PLXNA2: variants seen among roughly 807,000 people sequenced by gnomAD.
PLXNA2 encodes plexin-A2.
Under a neutral mutation model 193.5 loss-of-function variants are expected in PLXNA2, and 91 were observed. That is an observed-to-expected ratio of 0.47 (90% CI 0.40 to 0.56). The LOEUF is 0.56. Among genes scored for constraint, PLXNA2 ranks in the 20% least tolerant of loss-of-function variants. The probability of loss-of-function intolerance (pLI) is 0.00; values close to 1 mark genes in which losing one functional copy is unlikely to be tolerated. For synonymous variants in PLXNA2, 997 were observed against 1,027.3 expected, an observed-to-expected ratio of 0.97 and a Z score of 0.56; for missense variants, 1,995 against 2,503.2, an observed-to-expected ratio of 0.80 and a Z score of 4.33.
chr1:208,217,961 T>C lies in PLXNA2; in HGVS notation c.-39A>G. 1 of 1,594,414 alleles carries C rather than the reference T, an allele frequency of 6.3e-7. No homozygotes were observed. The highest frequency in any genetic ancestry group is 8.5e-7 in the Non-Finnish European group (1 of 1,176,648). On this transcript the variant is annotated 5_prime_UTR_variant, in exon 2 of 32. Coordinates refer to ENST00000367033, the MANE Select transcript of PLXNA2 (RefSeq NM_025179.4). This position sits in a 1 kb window ranked among gnomAD's most constrained non-coding sequence, Gnocchi z 4.7. ...GCGGTGAGGAGACGGCTCCTGTGTG[T>C]GCTCATCTGCTCCACCTTCCCCGGT... is the stretch of plus-strand genomic sequence containing the variant.
At chr1:208,222,478 CT>C (rs1671370514) in intron 1 of PLXNA2, among the ~76,000 whole-genome samples, 1 of 152,188 alleles carries the variant, frequency 6.6e-6, no homozygotes, top group Non-Finnish European at 1.5e-5. Flanking sequence ...CCACGCTTGC[CT>C]CTTTGGGAAG....
chr1:208,228,364 G>A (rs1671575715), intron 1 of PLXNA2, among the ~76,000 whole-genome samples: 1 of 152,138 alleles, frequency 6.6e-6, no homozygotes, highest in Non-Finnish European at 1.5e-5. Context: ...AGTTCAAAGG[G>A]CGGGGCTCTT....
intron 2 of PLXNA2, among the ~76,000 whole-genome samples, chr1:208,211,529 TAA>T (rs2102601763): frequency 6.6e-6 from 1 of 152,080 alleles, no homozygotes; most frequent in East Asian, 1.9e-4. Flanking sequence ...CTGTCTCTAC[TAA>T]AAATACAAAA....
chr1:208,075,283 C>T (rs1315597107), intron 12 of PLXNA2, among the ~76,000 whole-genome samples: 1 of 150,218 alleles, frequency 6.7e-6, no homozygotes, highest in African/African-American at 2.5e-5. Context: ...GCACTTCAGC[C>T]TGGGCGATAG....
intron 3 of PLXNA2, among the ~76,000 whole-genome samples, chr1:208,196,808 G>A (rs1037494694): frequency 6.6e-6 from 1 of 152,158 alleles, no homozygotes; most frequent in African/African-American, 2.4e-5. Context: ...CCTGAGAATG[G>A]GTGGAAAATA....
rs186356139 is a variant in PLXNA2 at position 208,031,135 on chromosome 1, C to A, written c.5225+455G>T. 9 of 999,468 alleles carry A rather than the reference C, an allele frequency of 9.0e-6. No homozygotes were observed. The African/African-American group carries it at 1.0e-4, about 12-fold the overall frequency. The allele number at this position is 999,468 out of a possible 1,614,324, so 61.9% of individuals were successfully genotyped here. A position where few individuals can be genotyped will look rare whatever the true frequency, so the allele number is the denominator to read the frequency against. Reference sequence around the variant, plus strand: ...TCCGGTGCTGACCAACTTCACCGGGCGTCTCAGTTTAATTCAGGGATTCCC... The same window carrying A: ...TCCGGTGCTGACCAACTTCACCGGGAGTCTCAGTTTAATTCAGGGATTCCC... On this transcript the variant is annotated intron_variant, in intron 29 of 31. Coordinates refer to ENST00000367033, the MANE Select transcript of PLXNA2 (RefSeq NM_025179.4).
chr1:208,056,456 A>C (rs1222527200), intron 13 of PLXNA2, among the ~76,000 whole-genome samples: 2 of 152,212 alleles, frequency 1.3e-5, no homozygotes, highest in African/African-American at 4.8e-5. Flanking sequence ...CACGGGCAGC[A>C]TGGAAATGTT....
rs1261917881 is a variant in PLXNA2 at position 208,079,343 on chromosome 1, G to A, written c.2503C>T (p.His835Tyr). The change falls in exon 12 of 32, where the codon CAC becomes TAC. Residue 835 changes from histidine to tyrosine, a missense_variant. By Grantham distance (83) the His-to-Tyr change is moderately conservative. Around this residue, in one of 3 missense-constraint regions of PLXNA2, gnomAD observed 1,291 missense variants for 1,673.6 expected, o/e 0.77. Transcript: ENST00000367033. ...CTGGAAGGGCTGGTACAGTGCTGGT[G>A]GAGGGTGCACCTGCGCTCGCCGCTG... is the stretch of plus-strand genomic sequence containing the variant. ...WCSGERRCTLHQHCTSPSSPW... is the reference protein window; with the variant it reads ...WCSGERRCTLYQHCTSPSSPW... 6.2e-7 allele frequency: 1 copy of A among 1,614,056 alleles called. No homozygotes were observed. The highest frequency in any genetic ancestry group is 2.2e-5 in the East Asian group (1 of 44,872).
At chr1:208,229,549 C>A (rs1671621294) in intron 1 of PLXNA2, among the ~76,000 whole-genome samples, 1 of 152,160 alleles carries the variant, frequency 6.6e-6, no homozygotes. Context: ...TCTGTCATGA[C>A]TGATCTTCAG....
At chr1:208,174,110 T>G (rs1205540292) in intron 3 of PLXNA2, among the ~76,000 whole-genome samples, 1 of 152,148 alleles carries the variant, frequency 6.6e-6, no homozygotes. Context: ...GGATCAGAGG[T>G]AGAATCTCTG....
chr1:208,028,175 T>C lies in PLXNA2; in HGVS notation c.5439-16A>G. ...TGCGTAGTATCTGCCAGAGACAGGA[T>C]AGGCGCCTTGGTGGAGGCCTCAGCA... On this transcript the variant is annotated splice_polypyrimidine_tract_variant and intron_variant, in intron 30 of 31. Transcript: ENST00000367033. The surrounding 1 kb of genome is among the most constrained non-coding windows in gnomAD (Gnocchi z 4.2). 6.3e-6 allele frequency: 10 copies of C among 1,594,398 alleles called. No homozygotes were observed. Among genetic ancestry groups the C allele is most frequent in the Non-Finnish European group, 8.6e-6 (10 of 1,169,538 alleles).
intron 9 of PLXNA2, among the ~76,000 whole-genome samples, chr1:208,086,920 A>C (rs1425302170): frequency 1.3e-5 from 2 of 150,324 alleles, no homozygotes; most frequent in African/African-American, 4.9e-5. Flanking sequence ...AGTTAGAAAT[A>C]AGGCTGGGGT....
chr1:208,031,187 C>T, intron 29 of PLXNA2: 1 of 1,033,128 alleles, frequency 9.7e-7, no homozygotes, highest in Non-Finnish European at 1.2e-6. Flanking sequence ...TTAGAACTGC[C>T]CCACTCAGAA....
chr1:208,230,134 G>T (rs1671640998), intron 1 of PLXNA2: 1 of 152,180 alleles, frequency 6.6e-6, no homozygotes, highest in Non-Finnish European at 1.5e-5. Context: ...AGTTATTCTT[G>T]TTTCTGCTTT....
chr1:208,193,711 G>C (rs1397841746), intron 3 of PLXNA2, among the ~76,000 whole-genome samples: 1 of 152,106 alleles, frequency 6.6e-6, no homozygotes, highest in Non-Finnish European at 1.5e-5. Context: ...CTTAGAAAAG[G>C]CAAATTCATG....
At chr1:208,107,561 T>C (rs553837776) in intron 4 of PLXNA2, among the ~76,000 whole-genome samples, 21 of 152,198 alleles carry the variant, frequency 1.4e-4, no homozygotes, top group African/African-American at 4.8e-4. Flanking sequence ...CAGCACTTGT[T>C]CTAGGGCTGG....
intron 4 of PLXNA2, among the ~76,000 whole-genome samples, chr1:208,108,142 T>C (rs1474373301): frequency 6.6e-6 from 1 of 151,856 alleles, no homozygotes; most frequent in Admixed American, 6.6e-5. Context: ...TGTGGGGCAG[T>C]TTTCCTTCCC....
intron 3 of PLXNA2, among the ~76,000 whole-genome samples, chr1:208,201,973 A>ATTT (rs59313982): frequency 3.8e-5 from 5 of 132,626 alleles, no homozygotes; most frequent in Non-Finnish European, 4.9e-5. Context: ...CAGGGCAAGA[A>ATTT]TTTTTTTTTT....
At chr1:208,180,135 C>T (rs926573797) in intron 3 of PLXNA2, among the ~76,000 whole-genome samples, 2 of 150,316 alleles carry the variant, frequency 1.3e-5, no homozygotes, top group African/African-American at 2.5e-5. Flanking sequence ...CCACAACAGG[C>T]GGTTTAGAGC....
Sources: allele counts gnomAD v4.1 joint callset (sites outside exome capture counted in the v4.1 genomes callset), GRCh38; gene constraint gnomAD v4.1.1; regional missense constraint gnomAD v4.1.1; non-coding constraint Gnocchi (gnomAD v3.1); transcripts MANE v1.5; gene names NCBI Gene and HGNC (gene_info 2026-07-23, HGNC 2026-07-21).